Variants in PTPRG observed in about 807,000 individuals in gnomAD.
PTPRG encodes protein tyrosine phosphatase receptor type G.
PTPRG carries 102 observed loss-of-function variants against 165.3 expected under a neutral mutation model. The observed-to-expected ratio is 0.62, with a 90% CI of 0.53 to 0.73. The LOEUF is 0.73. PTPRG is among the 30% of genes least tolerant of loss of function. The pLI is 0.00. For synonymous variants in PTPRG, 675 were observed against 669.5 expected, an observed-to-expected ratio of 1.01 and a Z score of -0.13; for missense variants, 1,866 against 1,861.4, an observed-to-expected ratio of 1.00 and a Z score of -0.05.
intron 6 of PTPRG, among the ~76,000 whole-genome samples, chr3:62,146,859 G>A (rs971752231): frequency 2.6e-5 from 4 of 152,158 alleles, no homozygotes; most frequent in African/African-American, 9.7e-5. Context: ...GGCCAGATTT[G>A]GCCCATGTAC....
chr3:61,613,042 A>G (rs910729420), intron 1 of PTPRG, among the ~76,000 whole-genome samples: 24 of 152,202 alleles, frequency 1.6e-4, no homozygotes, highest in Non-Finnish European at 2.9e-4. Context: ...ATAGCGCAGC[A>G]GAGTGGCTTA....
At chr3:61,973,624 G>A (rs1463181203) in intron 2 of PTPRG, among the ~76,000 whole-genome samples, 1 of 152,044 alleles carries the variant, frequency 6.6e-6, no homozygotes, top group Non-Finnish European at 1.5e-5. Context: ...TTGAGGTCAG[G>A]AGTTTGAGAA....
At chr3:61,613,266 G>GT (rs990411326) in intron 1 of PTPRG, among the ~76,000 whole-genome samples, 13 of 151,980 alleles carry the variant, frequency 8.6e-5, no homozygotes, top group Admixed American at 3.3e-4. Flanking sequence ...CTAAAATCAT[G>GT]TTTTTTTTAA....
intron 24 of PTPRG, chr3:62,276,671 A>G: frequency 3.2e-6 from 1 of 315,210 alleles, no homozygotes; most frequent in Non-Finnish European, 5.8e-6. Context: ...TAGAGTCAAA[A>G]GTTATCTAAA....
intron 1 of PTPRG, among the ~76,000 whole-genome samples, chr3:61,568,712 A>G (rs1272928801): frequency 6.6e-6 from 1 of 152,066 alleles, no homozygotes; most frequent in African/African-American, 2.4e-5. Flanking sequence ...GATTGAGACC[A>G]TCCTGGCCAA....
intron 2 of PTPRG, among the ~76,000 whole-genome samples, chr3:61,945,981 C>CTTGG (rs1553695197): frequency 6.6e-6 from 1 of 151,652 alleles, no homozygotes; most frequent in East Asian, 1.9e-4. Context: ...AGCCAACTTT[C>CTTGG]TTGATTGATT....
At chr3:61,991,348 G>C (rs1343061312) in intron 3 of PTPRG, among the ~76,000 whole-genome samples, 1 of 152,204 alleles carries the variant, frequency 6.6e-6, no homozygotes, top group Non-Finnish European at 1.5e-5. Flanking sequence ...TGGGATTACA[G>C]GCATGTGCCA....
chr3:61,612,226 G>A (rs1226369989), intron 1 of PTPRG, among the ~76,000 whole-genome samples: 2 of 152,194 alleles, frequency 1.3e-5, no homozygotes, highest in Non-Finnish European at 1.5e-5. Flanking sequence ...GATTACAGGT[G>A]TGAGCTACCA....
intron 4 of PTPRG, among the ~76,000 whole-genome samples, chr3:62,035,681 A>G (rs558725964): frequency 2.6e-5 from 4 of 152,382 alleles, no homozygotes; most frequent in African/African-American, 7.2e-5. Flanking sequence ...GGCTTTCAGC[A>G]TAAAAGCAAG....
Position 62,252,314 on chromosome 3 carries a change from A to C in PTPRG, c.2468-2810A>C, listed in dbSNP as rs182133597. 3.9e-5 allele frequency among the ~76,000 whole-genome samples: 6 copies of C among 152,310 alleles called. 1 individual carries two copies. The highest frequency in any genetic ancestry group is 1.4e-4 in the African/African-American group (6 of 41,566). Reference sequence around the variant, plus strand: ...TAGGTGCTCAGAAACGGCTTCATCCAGGGGTTTCCCATTCTCTCTGAGTCG... The same window carrying C: ...TAGGTGCTCAGAAACGGCTTCATCCCGGGGTTTCCCATTCTCTCTGAGTCG... On this transcript the variant is annotated intron_variant, in intron 15 of 29. Transcript: ENST00000474889. The surrounding 1 kb of genome is among the most constrained non-coding windows in gnomAD (Gnocchi z 4.6).
chr3:61,779,898 C>T (rs562242139), intron 2 of PTPRG, among the ~76,000 whole-genome samples: 1 of 152,248 alleles, frequency 6.6e-6, no homozygotes, highest in South Asian at 2.1e-4. Flanking sequence ...TGTCCGATAG[C>T]GAGCAGCTCT....
chr3:61,864,170 CTT>C (rs940062204), intron 2 of PTPRG, among the ~76,000 whole-genome samples: 3 of 152,190 alleles, frequency 2.0e-5, no homozygotes, highest in African/African-American at 7.2e-5. Flanking sequence ...AAAATCCTCT[CTT>C]TGAACCTGTC....
At chr3:61,776,362 T>TA (rs946497602) in intron 2 of PTPRG, among the ~76,000 whole-genome samples, 1 of 149,908 alleles carries the variant, frequency 6.7e-6, no homozygotes, top group Non-Finnish European at 1.5e-5. Flanking sequence ...TTTATTGGAA[T>TA]AAAAAAATTA....
chr3:61,997,819 A>G (rs1011004874), intron 3 of PTPRG, among the ~76,000 whole-genome samples: 1 of 152,254 alleles, frequency 6.6e-6, no homozygotes, highest in African/African-American at 2.4e-5. Flanking sequence ...GGCTGGAACT[A>G]GAGCCAGTGC....
intron 4 of PTPRG, among the ~76,000 whole-genome samples, chr3:62,023,670 A>C (rs756946309): frequency 2.6e-5 from 4 of 152,180 alleles, no homozygotes; most frequent in Non-Finnish European, 5.9e-5. Flanking sequence ...ATCTGCCTTT[A>C]TTACGGATAT....
At chr3:62,265,989 A>AAAG (rs1474295455) in intron 17 of PTPRG, among the ~76,000 whole-genome samples, 1 of 151,424 alleles carries the variant, frequency 6.6e-6, no homozygotes, top group Non-Finnish European at 1.5e-5. Context: ...TGCCTTGCTA[A>AAAG]AAGTATTGTG....
At chr3:61,724,146 G>T (rs1033025057) in intron 1 of PTPRG, among the ~76,000 whole-genome samples, 1 of 149,502 alleles carries the variant, frequency 6.7e-6, no homozygotes, top group African/African-American at 2.5e-5. Flanking sequence ...GGCACTGGAG[G>T]GGGAGGTTGC....
chr3:61,792,674 TTCTTTCTTTCTTTCTTTC>T (rs1478011662), intron 2 of PTPRG, among the ~76,000 whole-genome samples: 15 of 208 alleles, frequency 0.072, no homozygotes, highest in African/African-American at 0.15. Context: ...TGGGTTTTCT[TTCTTTCTTTCTTTCTTTC>T]TTTCTTTCTT....
chr3:61,731,869 T>A (rs898888255), intron 1 of PTPRG, among the ~76,000 whole-genome samples: 1 of 151,534 alleles, frequency 6.6e-6, no homozygotes, highest in Non-Finnish European at 1.5e-5. Context: ...TGGTGAGATC[T>A]CGGTTCACTG....
Sources: gnomAD v4.1 joint callset for allele counts (sites outside exome capture counted in the v4.1 genomes callset) on GRCh38, gnomAD v4.1.1 for gene constraint, Gnocchi (gnomAD v3.1) non-coding constraint, MANE v1.5 for transcripts, NCBI Gene and HGNC (gene_info 2026-07-23, HGNC 2026-07-21) for gene names.